The following RFX3 variants were observed in gnomAD, a reference collection of about 807,000 sequenced individuals.
RFX3 encodes the protein regulatory factor X3.
RFX3 carries 14 observed loss-of-function variants against 98.6 expected under a neutral mutation model. That is an observed-to-expected ratio of 0.14 (90% CI 0.09 to 0.22). The LOEUF (loss-of-function observed/expected upper bound fraction) is 0.22, where lower values mean the gene tolerates loss of function less well. Ranked by LOEUF, RFX3 falls within the 10% of genes least tolerant of loss-of-function variation. The pLI, the probability that RFX3 is intolerant of heterozygous loss-of-function variation, is 1.00. For missense variants in RFX3, 639 were observed against 926.9 expected (o/e 0.69, Z 4.03); for synonymous variants, 383 against 328.4 (o/e 1.17, Z -1.80).
intron 1 of RFX3, among the ~76,000 whole-genome samples, chr9:3,463,774 C>G (rs1309533114): frequency 6.6e-6 from 1 of 151,912 alleles, no homozygotes; most frequent in Non-Finnish European, 1.5e-5. Flanking sequence ...AGTTCAAGAC[C>G]AGCCTGGGCG....
At chr9:3,371,037 T>C (rs908885480) in intron 2 of RFX3, among the ~76,000 whole-genome samples, 2 of 152,192 alleles carry the variant, frequency 1.3e-5, no homozygotes, top group African/African-American at 2.4e-5. Flanking sequence ...AAAATATTAT[T>C]AAATTATTTA....
At chr9:3,371,426 A>G (rs1357957563) in intron 2 of RFX3, among the ~76,000 whole-genome samples, 1 of 152,238 alleles carries the variant, frequency 6.6e-6, no homozygotes, top group African/African-American at 2.4e-5. Flanking sequence ...AAAATATATT[A>G]CAATAACTAT....
In RFX3 at chr9:3,346,692, C is replaced by G; in HGVS notation, c.190G>C (p.Asp64His). 1.9e-6 allele frequency: 3 copies of G among 1,611,532 alleles called. No individual in the cohort carries two copies. The highest frequency in any genetic ancestry group is 2.5e-6 in the Non-Finnish European group (3 of 1,177,700). Reference sequence around the variant, plus strand: ...ATTGCTCCATTGGTATAGACAGTATCGCTTCCTTCCACATACTGCACCTGA... The same window carrying G: ...ATTGCTCCATTGGTATAGACAGTATGGCTTCCTTCCACATACTGCACCTGA... ...PAQVQYVEGS[D>H]TVYTNGAIRT... The change falls in exon 3 of 17, where the codon GAT becomes CAT. Residue 64 changes from aspartate (D) to histidine (H), a missense_variant. This residue lies in a region of RFX3 where 210 missense variants were observed against 197.7 expected (regional missense o/e 1.06). Transcript: ENST00000617270.
At chr9:3,444,495 A>G (rs1845865458) in intron 1 of RFX3, among the ~76,000 whole-genome samples, 1 of 152,178 alleles carries the variant, frequency 6.6e-6, no homozygotes, top group Admixed American at 6.6e-5. Context: ...TATATACACT[A>G]TCTTGATTGT....
At chr9:3,442,874 AAATT>A (rs1258445783) in intron 1 of RFX3, among the ~76,000 whole-genome samples, 5 of 152,208 alleles carry the variant, frequency 3.3e-5, no homozygotes, top group African/African-American at 9.6e-5. Context: ...ATAAAAGATA[AAATT>A]AATAAATTAG....
chr9:3,488,773 T>C, intron 1 of RFX3: 1 of 985,254 alleles, frequency 1.0e-6, no homozygotes, highest in Non-Finnish European at 1.2e-6. Flanking sequence ...ACAGAGGACT[T>C]ACGCAGAACC....
At chr9:3,318,712 G>GA (rs1410824714) in intron 4 of RFX3, among the ~76,000 whole-genome samples, 2 of 151,862 alleles carry the variant, frequency 1.3e-5, no homozygotes, top group Non-Finnish European at 2.9e-5. Context: ...GACGTCTAGA[G>GA]AAAAAAATTA....
intron 1 of RFX3, among the ~76,000 whole-genome samples, chr9:3,486,128 CAAAAAA>C (rs772747349): frequency 4.1e-5 from 2 of 49,166 alleles, no homozygotes; most frequent in Admixed American, 2.6e-4. Flanking sequence ...TGTCTCAAAC[CAAAAAA>C]AAAAAAAAAA....
At chr9:3,462,962 C>A (rs1167549285) in intron 1 of RFX3, among the ~76,000 whole-genome samples, 1 of 151,890 alleles carries the variant, frequency 6.6e-6, no homozygotes, top group African/African-American at 2.4e-5. Flanking sequence ...ATCATAACAC[C>A]CAATATTGTT....
At chr9:3,286,330 A>G (rs1826594108) in intron 7 of RFX3, among the ~76,000 whole-genome samples, 1 of 151,890 alleles carries the variant, frequency 6.6e-6, no homozygotes, top group Non-Finnish European at 1.5e-5. Context: ...GTACTATTCT[A>G]TAATTTATTT....
At chr9:3,460,289 G>C (rs1847570510) in intron 1 of RFX3, among the ~76,000 whole-genome samples, 1 of 151,914 alleles carries the variant, frequency 6.6e-6, no homozygotes, top group African/African-American at 2.4e-5. Flanking sequence ...TAAATTATAT[G>C]TTACTAAAAT....
At chr9:3,478,987 T>C (rs981046762) in intron 1 of RFX3, among the ~76,000 whole-genome samples, 1 of 152,150 alleles carries the variant, frequency 6.6e-6, no homozygotes, top group Non-Finnish European at 1.5e-5. Flanking sequence ...CCCAGGGAGC[T>C]GCAAGTTGGG....
intron 1 of RFX3, among the ~76,000 whole-genome samples, chr9:3,481,816 A>C (rs1318490407): frequency 1.3e-5 from 2 of 152,068 alleles, no homozygotes. Context: ...TTAGTTATTG[A>C]AGAAATGCAA....
chr9:3,429,180 G>C (rs958397779), intron 1 of RFX3, among the ~76,000 whole-genome samples: 2 of 150,756 alleles, frequency 1.3e-5, no homozygotes, highest in Non-Finnish European at 3.0e-5. Context: ...CCGCCAACAC[G>C]TCCGGCTAAT....
chr9:3,266,551 A>G (rs1478955325), intron 11 of RFX3, among the ~76,000 whole-genome samples: 1 of 152,058 alleles, frequency 6.6e-6, no homozygotes, highest in African/African-American at 2.4e-5. Context: ...GGGAAAAAAA[A>G]GGATTCAAAC....
intron 1 of RFX3, among the ~76,000 whole-genome samples, chr9:3,464,867 C>G (rs1366376817): frequency 6.6e-6 from 1 of 151,902 alleles, no homozygotes; most frequent in Non-Finnish European, 1.5e-5. Flanking sequence ...ATCCAAGAAA[C>G]AGTTCCAATT....
chr9:3,420,023 A>T (rs1843308663), intron 1 of RFX3, among the ~76,000 whole-genome samples: 1 of 152,158 alleles, frequency 6.6e-6, no homozygotes, highest in Admixed American at 6.6e-5. Context: ...TCATCGTCGC[A>T]CGTGAAGGCA....
At chr9:3,468,066 T>C (rs1848469625) in intron 1 of RFX3, among the ~76,000 whole-genome samples, 1 of 152,180 alleles carries the variant, frequency 6.6e-6, no homozygotes, top group Non-Finnish European at 1.5e-5. Context: ...GTGATTACCT[T>C]TCCAGAAACG....
intron 16 of RFX3, 30 bp downstream of exon 16, chr9:3,228,816 TC>T (rs1254489541): frequency 7.6e-6 from 12 of 1,578,120 alleles, no homozygotes; most frequent in Non-Finnish European, 9.5e-6. Context: ...AAATAAAAGT[TC>T]TTAAAATGTA....
Sources: allele counts gnomAD v4.1 joint callset (sites outside exome capture counted in the v4.1 genomes callset), GRCh38; gene constraint gnomAD v4.1.1; regional missense constraint gnomAD v4.1.1; transcripts MANE v1.5; gene names NCBI Gene and HGNC (gene_info 2026-07-23, HGNC 2026-07-21).